The following BRDT variants were observed in gnomAD, a reference collection of about 807,000 sequenced individuals.
The protein encoded by BRDT is bromodomain testis-specific protein.
In BRDT, 77 loss-of-function variants were observed where a neutral mutation model predicts 113.9. That is an observed-to-expected ratio of 0.68 (90% CI 0.56 to 0.82). The LOEUF (loss-of-function observed/expected upper bound fraction) is 0.82, where lower values mean the gene tolerates loss of function less well. Ranked by LOEUF, BRDT falls within the 40% of genes least tolerant of loss-of-function variation. BRDT has a pLI of 0.00. For missense variants in BRDT, 1,027 were observed against 1,105.4 expected, an observed-to-expected ratio of 0.93 and a Z score of 1.01; for synonymous variants, 358 against 366.5, an observed-to-expected ratio of 0.98 and a Z score of 0.26.
intron 15 of BRDT, among the ~76,000 whole-genome samples, chr1:91,999,656 C>T (rs1271367844): frequency 6.6e-6 from 1 of 152,110 alleles, no homozygotes; most frequent in Non-Finnish European, 1.5e-5. Context: ...GGTGGCCATA[C>T]ATTGATCATT....
chr1:92,010,903 C>G (rs1240256954), intron 18 of BRDT, among the ~76,000 whole-genome samples: 1 of 150,976 alleles, frequency 6.6e-6, no homozygotes, highest in African/African-American at 2.4e-5. Context: ...TGTTTTTCTG[C>G]TTCTTTGCAT....
intron 8 of BRDT, 73 bp downstream of exon 8, chr1:91,979,830 T>C (rs1684548320): frequency 7.0e-7 from 1 of 1,421,376 alleles, no homozygotes; most frequent in African/African-American, 1.4e-5. Flanking sequence ...TTTCTGCAGA[T>C]TTAAAGCTGT....
At chr1:91,958,282 C>T (rs929322247) in intron 1 of BRDT, among the ~76,000 whole-genome samples, 6 of 140,750 alleles carry the variant, frequency 4.3e-5, no homozygotes, top group Non-Finnish European at 9.0e-5. Context: ...GTGGTGGGAT[C>T]TCAGTTCACT....
At chr1:91,964,602 A>G (rs976539213) in intron 2 of BRDT, 25 bp from the exon 3 acceptor site, 2 of 1,318,756 alleles carry the variant, frequency 1.5e-6, no homozygotes, top group South Asian at 1.7e-5. Context: ...TCTTACTAAC[A>G]TTTAGAATTT....
At chr1:91,988,214 G>C (rs1685441299) in intron 12 of BRDT, among the ~76,000 whole-genome samples, 1 of 151,972 alleles carries the variant, frequency 6.6e-6, no homozygotes. Flanking sequence ...TGAGTTTTTG[G>C]GGGAGATATG....
intron 16 of BRDT, among the ~76,000 whole-genome samples, chr1:92,003,200 GT>G (rs1687010701): frequency 6.6e-6 from 1 of 152,128 alleles, no homozygotes; most frequent in Non-Finnish European, 1.5e-5. Context: ...AGGGAGGGAT[GT>G]TTTGACTCCT....
chr1:91,978,444 A>C (rs1684364019), intron 7 of BRDT, 148 bp downstream of exon 7: 1 of 928,248 alleles, frequency 1.1e-6, no homozygotes, highest in Non-Finnish European at 1.5e-6. Context: ...TGCACCAACA[A>C]AACAGTTTAT....
intron 17 of BRDT, 52 bp downstream of exon 17, chr1:92,004,671 T>A: frequency 2.2e-6 from 3 of 1,393,630 alleles, no homozygotes; most frequent in Non-Finnish European, 2.9e-6. Context: ...GAATGTATTT[T>A]AAATACATTA....
At position 91,979,862 on chromosome 1, in the gene BRDT, CTG is replaced by C. The variant is rs1684551019; in HGVS notation, c.1287+108_1287+109del. 5 of 1,057,810 alleles carry C rather than the reference CTG, an allele frequency of 4.7e-6. No homozygotes were observed. In the Admixed American group the frequency reaches 8.7e-5, roughly 18 times the overall value. The allele number at this position is 1,057,810 out of a possible 1,614,324, so 65.5% of individuals were successfully genotyped here. The stretch of plus-strand genomic sequence containing the variant: ...CTGTTATAGTTAAATCGCTTCATAA[CTG>C]TGGCTTTATTTACTTATTGGCAAAT... On this transcript the variant is annotated intron_variant, in intron 8 of 18. Coordinates refer to ENST00000399546, the MANE Select transcript of BRDT (RefSeq NM_207189.4).
Position 91,977,160 on chromosome 1 carries a change from A to G in BRDT, c.736A>G (p.Lys246Glu). The G allele has an allele frequency of 6.2e-7, 1 of 1,614,102 alleles. No homozygotes were observed. The highest frequency in any genetic ancestry group is 8.5e-7 in the Non-Finnish European group (1 of 1,179,990). ...TEKSVALPPI[K>E]ENMPKNVLPD... ...AAAATCAGTGGCACTGCCACCTATA[A>G]AAGAAAATATGCCAAAGAATGTTTT... is the stretch of plus-strand genomic sequence containing the variant. Residue 246 changes from lysine (K) to glutamate (E), a missense_variant, in exon 6 of 19, where the codon AAA (lysine) becomes GAA (glutamate). Transcript: ENST00000399546.
At chr1:92,000,724 T>G (rs1267852256) in intron 15 of BRDT, among the ~76,000 whole-genome samples, 1 of 152,176 alleles carries the variant, frequency 6.6e-6, no homozygotes, top group Non-Finnish European at 1.5e-5. Flanking sequence ...CTGTAGACTA[T>G]GACTAGAGAG....
At chr1:91,965,828 A>G (rs1683003557) in intron 3 of BRDT, among the ~76,000 whole-genome samples, 1 of 151,750 alleles carries the variant, frequency 6.6e-6, no homozygotes, top group Non-Finnish European at 1.5e-5. Context: ...GCCTGGTGAC[A>G]GAGCAAGACA....
intron 7 of BRDT, among the ~76,000 whole-genome samples, chr1:91,979,365 C>T (rs1267572696): frequency 1.3e-5 from 2 of 151,958 alleles, no homozygotes; most frequent in African/African-American, 4.8e-5. Context: ...CCACCCGCCT[C>T]GGCCTCCCTA....
At position 91,964,767 on chromosome 1, in the gene BRDT, A is replaced by T; in HGVS notation, c.330+3A>T. 6.9e-7 allele frequency: 1 copy of T among 1,457,090 alleles called. No individual in the cohort carries two copies. The allele number at this position is 1,457,090 out of a possible 1,614,324, so 90.3% of individuals were successfully genotyped here. On this transcript the variant is annotated splice_donor_region_variant and intron_variant, in intron 3 of 18. Coordinates refer to ENST00000399546, the MANE Select transcript of BRDT (RefSeq NM_207189.4). Reference sequence around the variant, plus strand: ...CAAATTGTTATTTATATAACAAGGTATGTAAGCCTTATGTTATACTTGCTA... The same window carrying T: ...CAAATTGTTATTTATATAACAAGGTTTGTAAGCCTTATGTTATACTTGCTA...
chr1:92,009,483 A>G lies in BRDT; in HGVS notation c.2775+4184A>G, dbSNP rs185801667. On this transcript the variant is annotated intron_variant, in intron 18 of 18. Transcript: ENST00000399546. ...TTGAAGGACATCTTGGTTGCCTCCA[A>G]CGTATGGCAATTAAGAATAAAGCTG... Among the ~76,000 whole-genome samples the G allele has an allele frequency of 5.7e-3, 860 of 151,422 alleles. 7 individuals are homozygous for G. Among genetic ancestry groups the G allele is most frequent in the Middle Eastern group, 0.017 (5 of 288 alleles).
rs1687676960 is a variant in BRDT, at chr1:92,010,259, CTCTTT to C, written c.2776-3945_2776-3941del. 2.2e-5 allele frequency among the ~76,000 whole-genome samples: 3 copies of C among 136,970 alleles called. No homozygotes were observed. In the South Asian group the frequency reaches 6.7e-4, roughly 31 times the overall value. The allele number at this position is 136,970 out of a possible 152,430, so 89.9% of individuals were successfully genotyped here. On this transcript the variant is annotated intron_variant, in intron 18 of 18. Coordinates refer to ENST00000399546, the MANE Select transcript of BRDT (RefSeq NM_207189.4). Reference sequence around the variant, plus strand: ...AAAGTTGCCTCATAGCTCACTAATGCTCTTTTAATTTTTTTTTTTTTTTTTTTTTT... The same window carrying C: ...AAAGTTGCCTCATAGCTCACTAATGCTAATTTTTTTTTTTTTTTTTTTTTT...
chr1:91,982,112 G>A (rs903838576), intron 12 of BRDT, among the ~76,000 whole-genome samples: 2 of 152,018 alleles, frequency 1.3e-5, no homozygotes, highest in South Asian at 2.1e-4. Context: ...AGCACCTTTC[G>A]CTTTACTCTC....
In BRDT at chr1:91,979,735, G is replaced by A. The variant is rs140481537; in HGVS notation, c.1265G>A (p.Arg422His). 48 of 1,608,496 alleles carry A rather than the reference G, an allele frequency of 3.0e-5. No individual in the cohort carries two copies. Among genetic ancestry groups the A allele is most frequent in the Non-Finnish European group, 3.7e-5 (44 of 1,178,614 alleles). Residue 422 changes from arginine (R) to histidine (H), a missense_variant, in exon 8 of 19, where the codon CGT becomes CAT. By Grantham distance (29) the Arg-to-His change is conservative. Coordinates refer to ENST00000399546, the MANE Select transcript of BRDT (RefSeq NM_207189.4). ...SDDSEDERVK[R>H]LAKLQEQLKA... ...GATTCTGAAGATGAGCGAGTTAAGC[G>A]TCTTGCAAAGCTTCAGGAGCAGGTA...
chr1:91,981,247 C>T (rs1684697801), intron 10 of BRDT, 21 bp from the exon 11 acceptor site: 1 of 1,611,210 alleles, frequency 6.2e-7, no homozygotes, highest in Non-Finnish European at 8.5e-7. Context: ...TACTCACTTT[C>T]TTCCCTCCTA....
Sources: gnomAD v4.1 joint callset for allele counts (sites outside exome capture counted in the v4.1 genomes callset) on GRCh38, gnomAD v4.1.1 for gene constraint, MANE v1.5 for transcripts, NCBI Gene and HGNC (gene_info 2026-07-23, HGNC 2026-07-21) for gene names.